RUNX1: variants seen among roughly 807,000 people sequenced by gnomAD.
The protein encoded by RUNX1 is RUNX family transcription factor 1.
RUNX1 carries 19 observed loss-of-function variants against 42.8 expected under a neutral mutation model. The observed-to-expected ratio is 0.44, with a 90% confidence interval of 0.31 to 0.65. RUNX1 has a LOEUF of 0.65. Among genes scored for constraint, RUNX1 ranks in the 30% least tolerant of loss-of-function variants. The probability of loss-of-function intolerance (pLI) is 0.07; values close to 1 mark genes in which losing one functional copy is unlikely to be tolerated. For synonymous variants in RUNX1, 271 were observed against 289.4 expected (o/e 0.94, Z 0.64); for missense variants, 528 against 672.0 (o/e 0.79, Z 2.37).
intron 2 of RUNX1, among the ~76,000 whole-genome samples, chr21:34,935,474 T>C (rs2058477947): frequency 6.6e-6 from 1 of 152,214 alleles, no homozygotes; most frequent in African/African-American, 2.4e-5. Context: ...ACTTTGAACA[T>C]ATTCAACAAA....
chr21:35,002,863 C>T (rs2059056997), intron 2 of RUNX1, among the ~76,000 whole-genome samples: 1 of 152,092 alleles, frequency 6.6e-6, no homozygotes, highest in Non-Finnish European at 1.5e-5. Flanking sequence ...AAATATTTAT[C>T]AAATGCAAGC....
intron 2 of RUNX1, among the ~76,000 whole-genome samples, chr21:34,894,873 A>C (rs1415818305): frequency 7.1e-6 from 1 of 141,244 alleles, no homozygotes; most frequent in Non-Finnish European, 1.5e-5. Context: ...CTCTTGACCT[A>C]CATAGAAACA....
chr21:34,803,643 A>T (rs1000663363), intron 7 of RUNX1, among the ~76,000 whole-genome samples: 6 of 152,198 alleles, frequency 3.9e-5, no homozygotes, highest in African/African-American at 1.4e-4. Context: ...ATGATGTCTG[A>T]TGCAGCCACT....
intron 2 of RUNX1, among the ~76,000 whole-genome samples, chr21:34,988,763 T>C (rs2058911722): frequency 6.6e-6 from 1 of 152,194 alleles, no homozygotes. Flanking sequence ...CCGGCACCCA[T>C]AATCCTGTCC....
Position 34,887,883 on chromosome 21 carries a change from A to C in RUNX1, c.98-787T>G, listed in dbSNP as rs1235279187. On this transcript the variant is annotated intron_variant, in intron 3 of 8. Transcript: ENST00000675419. ...GTCATGTTCTCTGTTCTCTCAATGA[A>C]TTCTGTCAAAACGCTCAGTGCAGAA... 1.7e-5 allele frequency: 18 copies of C among 1,065,060 alleles called. No homozygotes were observed. In the South Asian group the frequency reaches 7.7e-4, roughly 46 times the overall value. 66.0% of individuals were successfully genotyped at this position (1,065,060 alleles called of 1,614,324 possible).
At chr21:34,949,510 T>C (rs7281340) in intron 2 of RUNX1, among the ~76,000 whole-genome samples, 30,766 of 152,200 alleles carry the variant, frequency 0.2, 6,944 homozygotes, top group African/African-American at 0.56. Flanking sequence ...TTTGTTTGGC[T>C]GAGGAATGGT....
chr21:34,893,050 T>C, intron 2 of RUNX1, 87 bp from the exon 3 acceptor site: 1 of 822,062 alleles, frequency 1.2e-6, no homozygotes, highest in Non-Finnish European at 2.1e-6. Context: ...CTAGCTCATT[T>C]CTTCTTACAC....
chr21:34,874,182 T>G (rs2057780575), intron 5 of RUNX1, among the ~76,000 whole-genome samples: 1 of 150,010 alleles, frequency 6.7e-6, no homozygotes, highest in South Asian at 2.1e-4. Flanking sequence ...GCACACACAC[T>G]CCACTGGCTA....
rs141383206 is a variant in RUNX1 at position 34,922,132 on chromosome 21, C to T, written c.59-29169G>A. Reference sequence around the variant, plus strand: ...AGCCTGCTGGATCTGGAGGATTCTGCTTCAAGTGTCTCTAACAGAGGAGAC... The same window carrying T: ...AGCCTGCTGGATCTGGAGGATTCTGTTTCAAGTGTCTCTAACAGAGGAGAC... On this transcript the variant is annotated intron_variant, in intron 2 of 8. Coordinates refer to ENST00000675419, the MANE Select transcript of RUNX1 (RefSeq NM_001754.5). Among the ~76,000 whole-genome samples, 1,064 of 152,242 alleles carry T rather than the reference C, an allele frequency of 7.0e-3. 4 individuals are homozygous for T. Among genetic ancestry groups the T allele is most frequent in the Non-Finnish European group, 0.01 (713 of 68,008 alleles).
intron 2 of RUNX1, among the ~76,000 whole-genome samples, chr21:35,027,431 CTG>C (rs1160252608): frequency 2.0e-5 from 3 of 152,334 alleles, no homozygotes; most frequent in South Asian, 2.1e-4. Flanking sequence ...AAAGACCACA[CTG>C]TGAATAGCAA....
Position 34,834,613 on chromosome 21 carries a change from AGCAGGGAGGGGAGGGGATGGGG to A in RUNX1, c.614-34_614-13del. 7.1e-7 allele frequency: 1 copy of A among 1,417,112 alleles called. No homozygotes were observed. The highest frequency in any genetic ancestry group is 9.6e-7 in the Non-Finnish European group (1 of 1,039,684). The allele number at this position is 1,417,112 out of a possible 1,614,324, so 87.8% of individuals were successfully genotyped here. A position where few individuals can be genotyped will look rare whatever the true frequency, so the allele number is the denominator to read the frequency against. Reference sequence around the variant, plus strand: ...TTTCTGCCGATGTCCTATTGTGGGGAGCAGGGAGGGGAGGGGATGGGGGGAGGGAAGGAGGGAGGGAAGAGAT... The same window carrying A: ...TTTCTGCCGATGTCCTATTGTGGGGAGGAGGGAAGGAGGGAGGGAAGAGAT... On this transcript the variant is annotated splice_polypyrimidine_tract_variant and intron_variant, in intron 6 of 8. Coordinates refer to ENST00000675419, the MANE Select transcript of RUNX1 (RefSeq NM_001754.5).
At chr21:34,852,072 G>T (rs947251817) in intron 6 of RUNX1, among the ~76,000 whole-genome samples, 2 of 152,208 alleles carry the variant, frequency 1.3e-5, no homozygotes, top group Non-Finnish European at 2.9e-5. Context: ...GGAGGCTGAG[G>T]CAGGAAAATT....
chr21:35,040,561 C>T (rs1211584961), intron 2 of RUNX1, among the ~76,000 whole-genome samples: 2 of 151,718 alleles, frequency 1.3e-5, no homozygotes, highest in Admixed American at 1.3e-4. Context: ...ATCACGAGGT[C>T]GGGAGATCGA....
At chr21:34,979,110 G>C (rs140040849) in intron 2 of RUNX1, among the ~76,000 whole-genome samples, 1 of 152,240 alleles carries the variant, frequency 6.6e-6, no homozygotes, top group Non-Finnish European at 1.5e-5. Context: ...CTCCAGTCAA[G>C]CACAGCTGAC....
chr21:34,820,467 T>G (rs1049618056), intron 7 of RUNX1, among the ~76,000 whole-genome samples: 2 of 151,934 alleles, frequency 1.3e-5, no homozygotes, highest in African/African-American at 4.8e-5. Flanking sequence ...CTGGCCAACA[T>G]GCTGAAACCC....
At chr21:34,824,086 A>C (rs2056950988) in intron 7 of RUNX1, among the ~76,000 whole-genome samples, 1 of 152,214 alleles carries the variant, frequency 6.6e-6, no homozygotes, top group Admixed American at 6.5e-5. Context: ...TTTTCTGCCC[A>C]ATCTTTCCTA....
chr21:34,898,697 C>T (rs76972344), intron 2 of RUNX1, among the ~76,000 whole-genome samples: 2,314 of 152,274 alleles, frequency 0.015, 49 homozygotes, highest in African/African-American at 0.048. Context: ...ACCTTGCCAG[C>T]GAGGCTGTGT....
chr21:35,009,194 T>C (rs2059107216), intron 2 of RUNX1, among the ~76,000 whole-genome samples: 1 of 152,240 alleles, frequency 6.6e-6, no homozygotes, highest in Admixed American at 6.5e-5. Flanking sequence ...CTCACAAATG[T>C]TGTTGGTAAA....
At chr21:35,000,236 CTTTTTT>C (rs397866864) in intron 2 of RUNX1, among the ~76,000 whole-genome samples, 3 of 110,966 alleles carry the variant, frequency 2.7e-5, no homozygotes, top group South Asian at 3.0e-4. Flanking sequence ...TTCTTTCTTT[CTTTTTT>C]TTTTTTTTTT....
Sources: allele counts gnomAD v4.1 joint callset (sites outside exome capture counted in the v4.1 genomes callset), GRCh38; gene constraint gnomAD v4.1.1; transcripts MANE v1.5; gene names NCBI Gene and HGNC (gene_info 2026-07-23, HGNC 2026-07-21).